SPATA7: variants seen among roughly 807,000 people sequenced by gnomAD.
The protein encoded by SPATA7 is spermatogenesis-associated protein 7.
A neutral mutation model predicts 51.8 loss-of-function variants in SPATA7; 43 were observed. The ratio of observed to expected loss-of-function variants is 0.83; its 90% confidence interval spans 0.65 to 1.07. The LOEUF (loss-of-function observed/expected upper bound fraction) is 1.07, where lower values mean the gene tolerates loss of function less well. SPATA7 is among the 50% of genes least tolerant of loss of function. SPATA7 has a pLI of 0.00. For synonymous variants in SPATA7, 230 were observed against 252.8 expected (o/e 0.91, Z 0.86); for missense variants, 683 against 701.3 (o/e 0.97, Z 0.30).
At chr14:88,462,189 T>C (rs1262494918) in intron 4 of SPATA7, among the ~76,000 whole-genome samples, 1 of 152,206 alleles carries the variant, frequency 6.6e-6, no homozygotes, top group East Asian at 1.9e-4. Flanking sequence ...ACTTCCAGGA[T>C]AAAAAAATTT....
intron 9 of SPATA7, among the ~76,000 whole-genome samples, chr14:88,431,990 A>C (rs898441185): frequency 6.6e-6 from 1 of 152,188 alleles, no homozygotes; most frequent in Non-Finnish European, 1.5e-5. Flanking sequence ...ATTATCAATC[A>C]CGTCATTTTT....
chr14:88,408,911 T>G (rs576079815), intron 4 of SPATA7, among the ~76,000 whole-genome samples: 1 of 152,348 alleles, frequency 6.6e-6, no homozygotes, highest in African/African-American at 2.4e-5. Context: ...GAATTATGTT[T>G]ATTGATTTGC....
rs976013811 is a variant in SPATA7, at chr14:88,394,412, A to G, written c.190+924A>G. ...TAAGTTCATAGAAATGGAATCATGT[A>G]TCGTTTTGGGTCTGGCTTTTTTCAG... On this transcript the variant is annotated intron_variant, in intron 3 of 11. Coordinates refer to ENST00000393545, the MANE Select transcript of SPATA7 (RefSeq NM_018418.5). Among the ~76,000 whole-genome samples, 8 of 152,284 alleles carry G rather than the reference A, an allele frequency of 5.3e-5. No individual in the cohort carries two copies. The East Asian group carries it at 1.4e-3, about 26-fold the overall frequency.
intron 4 of SPATA7, among the ~76,000 whole-genome samples, chr14:88,412,535 A>G (rs1170050366): frequency 2.6e-5 from 4 of 152,064 alleles, no homozygotes; most frequent in East Asian, 1.9e-4. Context: ...AGCTGATTAG[A>G]TGGTGCCCAC....
At chr14:88,427,841 C>T (rs2076839049) in intron 7 of SPATA7, 145 bp downstream of exon 7, 1 of 663,738 alleles carries the variant, frequency 1.5e-6, no homozygotes, top group African/African-American at 1.8e-5. Flanking sequence ...TACAGAAGGT[C>T]TGCCTATTTA....
At chr14:88,467,175 A>C (rs957037744) in intron 4 of SPATA7, 1 of 151,324 alleles carries the variant, frequency 6.6e-6, no homozygotes, top group Admixed American at 6.6e-5. Flanking sequence ...GTCATCTTAC[A>C]TACTCTTAGT....
intron 5 of SPATA7, among the ~76,000 whole-genome samples, chr14:88,420,417 G>T (rs1404611312): frequency 6.6e-6 from 1 of 152,166 alleles, no homozygotes; most frequent in Non-Finnish European, 1.5e-5. Flanking sequence ...TTAGTTGTTT[G>T]CTCTGTGACC....
At chr14:88,403,917 AAGT>A (rs779134435) in intron 4 of SPATA7, among the ~76,000 whole-genome samples, 62 of 152,294 alleles carry the variant, frequency 4.1e-4, no homozygotes, top group African/African-American at 1.2e-3. Flanking sequence ...AAAAAAGAAA[AAGT>A]AGCAACTATG....
chr14:88,433,269 T>C, intron 10 of SPATA7, 57 bp downstream of exon 10: 3 of 1,197,134 alleles, frequency 2.5e-6, no homozygotes, highest in African/African-American at 1.5e-5. Flanking sequence ...ATTCTTCATA[T>C]TTCTTCATAT....
rs146318785 is a variant in SPATA7 at position 88,451,872 on chromosome 14, G to A, written c.178-3188G>A. On this transcript the variant is annotated intron_variant, in intron 3 of 3. Transcript: ENST00000554802. ...TTAAGTTAGACTTTACCTTTCTCTG[G>A]TGCCTCCTTGATTGACTTAATAGTT... Among the ~76,000 whole-genome samples, 11 of 151,988 alleles carry A rather than the reference G, an allele frequency of 7.2e-5. 1 individual carries two copies. Among genetic ancestry groups the A allele is most frequent in the African/African-American group, 2.7e-4 (11 of 41,434 alleles).
chr14:88,453,075 T>G (rs2140051598), intron 3 of SPATA7, among the ~76,000 whole-genome samples: 1 of 152,296 alleles, frequency 6.6e-6, no homozygotes, highest in East Asian at 1.9e-4. Flanking sequence ...TGATCTGAAA[T>G]CTGTCTTACT....
intron 9 of SPATA7, 118 bp from the exon 10 acceptor site, chr14:88,433,017 A>G: frequency 1.4e-6 from 1 of 736,638 alleles, no homozygotes; most frequent in Non-Finnish European, 2.3e-6. Flanking sequence ...GTAATATGAG[A>G]TAGAAGTACA....
downstream of SPATA7, among the ~76,000 whole-genome samples, chr14:88,455,478 A>G (rs1281100645): frequency 1.3e-5 from 2 of 152,208 alleles, no homozygotes; most frequent in African/African-American, 2.4e-5. Context: ...CACACAAATC[A>G]TATCTTGCTT....
intron 4 of SPATA7, among the ~76,000 whole-genome samples, chr14:88,407,385 TC>T (rs1462371962): frequency 6.6e-6 from 1 of 152,244 alleles, no homozygotes; most frequent in East Asian, 1.9e-4. Context: ...TAGCTTTTTT[TC>T]ATGTTTGTTG....
chr14:88,417,214 T>C (rs958855049), intron 5 of SPATA7, among the ~76,000 whole-genome samples: 10 of 151,754 alleles, frequency 6.6e-5, no homozygotes, highest in African/African-American at 4.8e-5. Flanking sequence ...TTTCCCTTTC[T>C]CCTGAATGGA....
At chr14:88,417,470 T>C (rs1217961377) in intron 5 of SPATA7, among the ~76,000 whole-genome samples, 1 of 151,972 alleles carries the variant, frequency 6.6e-6, no homozygotes, top group East Asian at 1.9e-4. Context: ...CGACTCCAGC[T>C]AATTTTTGTG....
chr14:88,409,465 T>C (rs762609365), intron 4 of SPATA7, among the ~76,000 whole-genome samples: 52 of 152,190 alleles, frequency 3.4e-4, no homozygotes, highest in Non-Finnish European at 6.0e-4. Flanking sequence ...TTATTGTGCC[T>C]TTTTGATTCT....
intron 2 of SPATA7, 114 bp downstream of exon 2, chr14:88,391,569 T>C (rs1362656956): frequency 2.3e-6 from 2 of 854,818 alleles, no homozygotes. Flanking sequence ...ATATTTGAAC[T>C]TCATATTATT....
Position 88,429,357 on chromosome 14 carries a change from T to A in SPATA7, c.922T>A (p.Cys308Ser), listed in dbSNP as rs759799211. 4.4e-6 allele frequency: 7 copies of A among 1,597,566 alleles called. No individual in the cohort carries two copies. In the South Asian group the frequency reaches 7.7e-5, roughly 18 times the overall value. Reference protein sequence around the residue: ...SEMNIKQASNCVTYDAKEKIA... With the variant: ...SEMNIKQASNSVTYDAKEKIA... ...TTTATTGCATCCCCAGGCATCTAATTGTGTGACATATGATGCCAAAGAAAA... is the reference window on the plus strand; with the variant it reads ...TTTATTGCATCCCCAGGCATCTAATAGTGTGACATATGATGCCAAAGAAAA... Residue 308 changes from cysteine to serine, a missense_variant, in exon 8 of 12, where the codon TGT becomes AGT. Cys to Ser is a moderately radical substitution (Grantham distance 112, BLOSUM62 -1). Transcript: ENST00000393545.
Sources: allele counts gnomAD v4.1 joint callset (sites outside exome capture counted in the v4.1 genomes callset), GRCh38; gene constraint gnomAD v4.1.1; transcripts MANE v1.5; gene names NCBI Gene and HGNC (gene_info 2026-07-23, HGNC 2026-07-21).